DLGAP2: variants seen among roughly 807,000 people sequenced by gnomAD.
DLGAP2 encodes DLG associated protein 2, also known as disks large-associated protein 2.
A neutral mutation model predicts 100.3 loss-of-function variants in DLGAP2; 26 were observed. The observed-to-expected ratio is 0.26, with a 90% CI of 0.19 to 0.36. The LOEUF (loss-of-function observed/expected upper bound fraction) is 0.36, where lower values mean the gene tolerates loss of function less well. DLGAP2 is among the 10% of genes least tolerant of loss of function. The probability of loss-of-function intolerance (pLI) is 1.00; values close to 1 mark genes in which losing one functional copy is unlikely to be tolerated. For missense variants in DLGAP2, 1,858 were observed against 1,453.2 expected (o/e 1.28, Z -4.53); for synonymous variants, 886 against 630.1 (o/e 1.41, Z -6.08).
chr8:1,673,758 C>T (rs887561439), intron 10 of DLGAP2, among the ~76,000 whole-genome samples: 10 of 152,118 alleles, frequency 6.6e-5, no homozygotes, highest in African/African-American at 2.4e-4. Context: ...AAAGAGTTTC[C>T]TAAGAGTTGC....
At chr8:901,560 GTGAGA>G (rs1296294327) in intron 1 of DLGAP2, among the ~76,000 whole-genome samples, 1 of 152,220 alleles carries the variant, frequency 6.6e-6, no homozygotes, top group East Asian at 1.9e-4. Context: ...AATGATCACG[GTGAGA>G]TGTGTATTCT....
At chr8:948,599 G>GT (rs1799393341) in intron 2 of DLGAP2, among the ~76,000 whole-genome samples, 1 of 152,252 alleles carries the variant, frequency 6.6e-6, no homozygotes, top group Admixed American at 6.5e-5. Flanking sequence ...GTGACAGTGG[G>GT]TTCCTCAAGG....
chr8:1,575,108 CAG>C (rs1236958413), intron 6 of DLGAP2, among the ~76,000 whole-genome samples: 6 of 152,182 alleles, frequency 3.9e-5, no homozygotes, highest in Admixed American at 1.3e-4. Flanking sequence ...TCACAGACGA[CAG>C]AGTTTCTTCC....
intron 5 of DLGAP2, among the ~76,000 whole-genome samples, chr8:1,563,247 G>A (rs189368853): frequency 4.0e-5 from 2 of 50,258 alleles, no homozygotes; most frequent in African/African-American, 1.7e-4. Context: ...CCTCGTTACT[G>A]GGGGACTGTG....
chr8:1,229,704 G>T (rs777280856), intron 2 of DLGAP2, among the ~76,000 whole-genome samples: 1 of 152,110 alleles, frequency 6.6e-6, no homozygotes, highest in Admixed American at 6.5e-5. Flanking sequence ...GGGATGCAAG[G>T]TTGGTTCAGT....
intron 2 of DLGAP2, among the ~76,000 whole-genome samples, chr8:1,117,256 C>T (rs1805146696): frequency 6.6e-6 from 1 of 152,250 alleles, no homozygotes; most frequent in Admixed American, 6.5e-5. Context: ...TGTGCCCTCT[C>T]TGAGGCTGAT....
chr8:800,125 T>C (rs915375674), intron 1 of DLGAP2, among the ~76,000 whole-genome samples: 2 of 152,074 alleles, frequency 1.3e-5, no homozygotes, highest in Non-Finnish European at 2.9e-5. Context: ...TCTAATCTGG[T>C]CTATGCCACA....
chr8:1,669,864 C>G (rs1462627457), intron 10 of DLGAP2, 80 bp downstream of exon 10: 1 of 772,562 alleles, frequency 1.3e-6, no homozygotes, highest in Admixed American at 1.7e-5. Context: ...CATGCGACCG[C>G]TCTTGTCGCC....
intron 1 of DLGAP2, among the ~76,000 whole-genome samples, chr8:766,181 C>G (rs1247239550): frequency 2.0e-5 from 3 of 152,146 alleles, no homozygotes; most frequent in South Asian, 2.1e-4. Flanking sequence ...AAACAAAAAA[C>G]AAGAAACAAA....
chr8:1,120,306 G>A (rs1254546203), intron 2 of DLGAP2, among the ~76,000 whole-genome samples: 1 of 152,116 alleles, frequency 6.6e-6, no homozygotes, highest in East Asian at 1.9e-4. Context: ...CACTCATTAG[G>A]CATCTTCGTT....
intron 2 of DLGAP2, among the ~76,000 whole-genome samples, chr8:1,231,226 C>G (rs1440509500): frequency 6.6e-6 from 1 of 152,070 alleles, no homozygotes. Context: ...AGTCAAAAAA[C>G]CCACGAAAAA....
intron 8 of DLGAP2, among the ~76,000 whole-genome samples, chr8:1,641,052 G>A (rs118056348): frequency 0.01 from 1,545 of 152,218 alleles, 11 homozygotes; most frequent in Non-Finnish European, 0.018. Flanking sequence ...GAAGCCCTGG[G>A]AGACACGGGT....
intron 4 of DLGAP2, among the ~76,000 whole-genome samples, chr8:1,523,764 A>G (rs1022081317): frequency 6.6e-6 from 1 of 152,176 alleles, no homozygotes. Flanking sequence ...TTACATCCCT[A>G]AAAGACAAGC....
chr8:1,382,926 T>C (rs969949842), intron 3 of DLGAP2, among the ~76,000 whole-genome samples: 1 of 151,500 alleles, frequency 6.6e-6, no homozygotes, highest in African/African-American at 2.4e-5. Context: ...TGTGTGTGCG[T>C]GTGTGTGTGT....
At chr8:1,679,637 A>G (rs1798895902) in intron 12 of DLGAP2, among the ~76,000 whole-genome samples, 1 of 152,182 alleles carries the variant, frequency 6.6e-6, no homozygotes, top group African/African-American at 2.4e-5. Flanking sequence ...ATGGAAGGGG[A>G]CAGCCCCTTA....
intron 3 of DLGAP2, among the ~76,000 whole-genome samples, chr8:1,279,313 A>C (rs1415525724): frequency 6.6e-6 from 1 of 152,192 alleles, no homozygotes; most frequent in Non-Finnish European, 1.5e-5. Context: ...CAATCCAATA[A>C]AATTTTATAA....
intron 2 of DLGAP2, among the ~76,000 whole-genome samples, chr8:947,737 C>T (rs1171133364): frequency 6.6e-6 from 1 of 152,220 alleles, no homozygotes; most frequent in Non-Finnish European, 1.5e-5. Context: ...CATTCCCACC[C>T]GTCACTTTTG....
chr8:1,432,337 C>G (rs1797475611), intron 3 of DLGAP2, among the ~76,000 whole-genome samples: 1 of 152,166 alleles, frequency 6.6e-6, no homozygotes, highest in Admixed American at 6.5e-5. Context: ...TCAAGAAATT[C>G]TATGCACCTT....
At chr8:1,208,721 A>G (rs1798045706) in intron 2 of DLGAP2, among the ~76,000 whole-genome samples, 1 of 152,168 alleles carries the variant, frequency 6.6e-6, no homozygotes, top group African/African-American at 2.4e-5. Flanking sequence ...TTTTATACTT[A>G]GAAAACCTAG....
Sources: gnomAD v4.1 joint callset for allele counts (sites outside exome capture counted in the v4.1 genomes callset) on GRCh38, gnomAD v4.1.1 for gene constraint, MANE v1.5 for transcripts, NCBI Gene and HGNC (gene_info 2026-07-23, HGNC 2026-07-21) for gene names.